Variants in KCNMB2 observed in about 807,000 individuals in gnomAD.
KCNMB2 encodes the protein calcium-activated potassium channel subunit beta-2.
KCNMB2 carries 9 observed loss-of-function variants against 24.5 expected under a neutral mutation model. That is an observed-to-expected ratio of 0.37 (90% CI 0.22 to 0.64). KCNMB2 has a LOEUF of 0.64. Among genes scored for constraint, KCNMB2 ranks in the 30% least tolerant of loss-of-function variants. The pLI is 0.63. For synonymous variants in KCNMB2, 109 were observed against 104.4 expected, an observed-to-expected ratio of 1.04 and a Z score of -0.27; for missense variants, 226 against 284.3, an observed-to-expected ratio of 0.79 and a Z score of 1.47.
At chr3:178,719,236 T>C (rs1188926094) in intron 1 of KCNMB2, among the ~76,000 whole-genome samples, 1 of 152,242 alleles carries the variant, frequency 6.6e-6, no homozygotes, top group African/African-American at 2.4e-5. Flanking sequence ...TACAGGAGGC[T>C]GGCATTGTTC....
At chr3:178,730,806 T>G (rs1723125310) in intron 1 of KCNMB2, among the ~76,000 whole-genome samples, 1 of 152,064 alleles carries the variant, frequency 6.6e-6, no homozygotes, top group East Asian at 1.9e-4. Context: ...TGCTCTTTCC[T>G]CAAATCTTCA....
intron 1 of KCNMB2, among the ~76,000 whole-genome samples, chr3:178,640,175 A>AT (rs1352906799): frequency 1.3e-5 from 2 of 152,178 alleles, no homozygotes; most frequent in African/African-American, 4.8e-5. Flanking sequence ...TACTATCTCT[A>AT]TTGGTAACTG....
intron 1 of KCNMB2, among the ~76,000 whole-genome samples, chr3:178,656,148 C>G (rs1379035485): frequency 2.0e-5 from 3 of 152,142 alleles, no homozygotes; most frequent in Non-Finnish European, 4.4e-5. Context: ...TGAGTGGGAC[C>G]TCAATTATAT....
At chr3:178,576,655 G>A (rs1462842389) in intron 1 of KCNMB2, among the ~76,000 whole-genome samples, 1 of 152,144 alleles carries the variant, frequency 6.6e-6, no homozygotes, top group African/African-American at 2.4e-5. Context: ...AGCTTGGTAG[G>A]GGGAGGGGCA....
rs148765326 is a variant in KCNMB2, at chr3:178,707,678, C to T, written c.-67-99665C>T. ...GCATAAGTAATTTTTAAAGGCGATG[C>T]TAATATGCAGCCAACAGTGAAAACT... is the stretch of plus-strand genomic sequence containing the variant. On this transcript the variant is annotated intron_variant, in intron 1 of 4. Transcript: ENST00000452583. 1.9e-3 allele frequency among the ~76,000 whole-genome samples: 290 copies of T among 151,920 alleles called. 7 individuals are homozygous for T. In the East Asian group the frequency reaches 0.051, roughly 27 times the overall value.
intron 1 of KCNMB2, among the ~76,000 whole-genome samples, chr3:178,713,904 C>T (rs1406449425): frequency 6.6e-6 from 1 of 152,212 alleles, no homozygotes; most frequent in Non-Finnish European, 1.5e-5. Context: ...ATGAATCCCT[C>T]ATCATTAACC....
intron 1 of KCNMB2, among the ~76,000 whole-genome samples, chr3:178,686,105 A>G (rs1209747369): frequency 6.6e-6 from 1 of 152,186 alleles, no homozygotes; most frequent in Non-Finnish European, 1.5e-5. Context: ...CAAATAGTAA[A>G]CTCACTTTTT....
chr3:178,723,849 A>G (rs1722883623), intron 1 of KCNMB2, among the ~76,000 whole-genome samples: 1 of 152,174 alleles, frequency 6.6e-6, no homozygotes, highest in Admixed American at 6.5e-5. Context: ...ATAGTATTCC[A>G]TGGTGTATGT....
At chr3:178,842,281 T>C (rs912022403) in intron 4 of KCNMB2, among the ~76,000 whole-genome samples, 1 of 152,196 alleles carries the variant, frequency 6.6e-6, no homozygotes, top group Non-Finnish European at 1.5e-5. Flanking sequence ...TAAAGAAGTA[T>C]GTTCAATAGA....
intron 1 of KCNMB2, among the ~76,000 whole-genome samples, chr3:178,698,848 T>C (rs1721979869): frequency 6.6e-6 from 1 of 152,244 alleles, no homozygotes. Flanking sequence ...TGGATTCAGC[T>C]GACTGACTTT....
intron 1 of KCNMB2, among the ~76,000 whole-genome samples, chr3:178,647,648 TTAA>T (rs1290444141): frequency 2.0e-5 from 3 of 152,256 alleles, no homozygotes; most frequent in African/African-American, 7.2e-5. Flanking sequence ...CATTAAGTAC[TTAA>T]TAATAGTTAA....
At chr3:178,640,710 A>G (rs1719693554) in intron 1 of KCNMB2, among the ~76,000 whole-genome samples, 1 of 152,188 alleles carries the variant, frequency 6.6e-6, no homozygotes, top group African/African-American at 2.4e-5. Flanking sequence ...ATAAAGTTCA[A>G]CTTATTGGTT....
intron 1 of KCNMB2, among the ~76,000 whole-genome samples, chr3:178,683,142 T>TA (rs1238097455): frequency 6.6e-6 from 1 of 151,940 alleles, no homozygotes; most frequent in African/African-American, 2.4e-5. Flanking sequence ...TACGCAACCA[T>TA]AAAAAAGAAT....
At chr3:178,559,320 G>A (rs1477678846) in intron 1 of KCNMB2, among the ~76,000 whole-genome samples, 1 of 151,974 alleles carries the variant, frequency 6.6e-6, no homozygotes, top group East Asian at 1.9e-4. Flanking sequence ...AAAACATTGC[G>A]TGATGTTAAT....
chr3:178,583,688 G>A (rs942529562), intron 1 of KCNMB2, among the ~76,000 whole-genome samples: 5 of 152,092 alleles, frequency 3.3e-5, no homozygotes, highest in Non-Finnish European at 7.4e-5. Context: ...CTGAGGCTCC[G>A]AAATTTTTAT....
chr3:178,645,045 A>ATTTTTTTTTTTTTTTTTTTTTTTTT (rs10576689), intron 1 of KCNMB2, among the ~76,000 whole-genome samples: 1 of 92,440 alleles, frequency 1.1e-5, no homozygotes. Context: ...AAGATCCAAG[A>ATTTTTTTTTTTTTTTTTTTTTTTTT]TTTTTTTTTT....
chr3:178,616,624 G>C (rs9847838), intron 1 of KCNMB2, among the ~76,000 whole-genome samples: 55,459 of 151,948 alleles, frequency 0.36, 10,816 homozygotes, highest in African/African-American at 0.51. Context: ...GTTAAAACCA[G>C]GTACTATGAG....
chr3:178,709,664 T>C (rs1722387994), intron 1 of KCNMB2, among the ~76,000 whole-genome samples: 1 of 152,230 alleles, frequency 6.6e-6, no homozygotes. Flanking sequence ...TTAAGTTCAG[T>C]GACTTCAAAT....
At chr3:178,605,666 A>G (rs1718245717) in intron 1 of KCNMB2, among the ~76,000 whole-genome samples, 2 of 152,148 alleles carry the variant, frequency 1.3e-5, no homozygotes, top group Non-Finnish European at 2.9e-5. Flanking sequence ...GTCAGACAGA[A>G]ATGAGGAATA....
Sources: gnomAD v4.1 joint callset for allele counts (sites outside exome capture counted in the v4.1 genomes callset) on GRCh38, gnomAD v4.1.1 for gene constraint, MANE v1.5 for transcripts, NCBI Gene and HGNC (gene_info 2026-07-23, HGNC 2026-07-21) for gene names.